The following TESK2 variants were observed in gnomAD, a reference collection of about 807,000 sequenced individuals.
TESK2 encodes dual specificity testis-specific protein kinase 2.
In TESK2, 39 loss-of-function variants were observed where a neutral mutation model predicts 57.1. That is an observed-to-expected ratio of 0.68 (90% CI 0.53 to 0.89). TESK2 has a LOEUF of 0.89. Among genes scored for constraint, TESK2 ranks in the 40% least tolerant of loss-of-function variants. The pLI is 0.00. For synonymous variants in TESK2, 249 were observed against 267.9 expected, an observed-to-expected ratio of 0.93 and a Z score of 0.69; for missense variants, 646 against 732.1, an observed-to-expected ratio of 0.88 and a Z score of 1.36.
chr1:45,479,815 T>C (rs1653143190), intron 1 of TESK2, among the ~76,000 whole-genome samples: 2 of 16,250 alleles, frequency 1.2e-4, no homozygotes, highest in Non-Finnish European at 2.0e-4. Flanking sequence ...AGGCCCTTCT[T>C]TTTTTTTTTT....
chr1:45,433,746 G>A (rs1427026845), intron 2 of TESK2, among the ~76,000 whole-genome samples: 3 of 152,136 alleles, frequency 2.0e-5, no homozygotes, highest in Admixed American at 6.5e-5. Flanking sequence ...CAATAAACAT[G>A]GAGATGCAAG....
At chr1:45,415,273 A>G (rs903020471) in intron 3 of TESK2, 3 of 1,383,496 alleles carry the variant, frequency 2.2e-6, no homozygotes, top group Non-Finnish European at 2.0e-6. Flanking sequence ...TGTGGAGGCC[A>G]TGGGGCACTT....
chr1:45,416,342 T>C (rs975685797), intron 3 of TESK2, among the ~76,000 whole-genome samples: 2 of 152,052 alleles, frequency 1.3e-5, no homozygotes, highest in Non-Finnish European at 2.9e-5. Context: ...TTTCACCATC[T>C]TGCCCAGGCT....
At chr1:45,361,734 C>T (rs894917304) in intron 4 of TESK2, among the ~76,000 whole-genome samples, 2 of 152,186 alleles carry the variant, frequency 1.3e-5, no homozygotes, top group African/African-American at 4.8e-5. Context: ...TCACCAAAGG[C>T]ACAGAGAAGT....
intron 1 of TESK2, among the ~76,000 whole-genome samples, chr1:45,463,130 A>G (rs186699554): frequency 9.9e-5 from 15 of 152,238 alleles, no homozygotes; most frequent in Admixed American, 3.9e-4. Flanking sequence ...TTTTCTGGTT[A>G]TTAATTCTTT....
chr1:45,463,320 C>G (rs1652409507), intron 1 of TESK2, among the ~76,000 whole-genome samples: 1 of 152,164 alleles, frequency 6.6e-6, no homozygotes, highest in South Asian at 2.1e-4. Flanking sequence ...AACCAATGTC[C>G]TGGAAAGTTT....
intron 2 of TESK2, among the ~76,000 whole-genome samples, chr1:45,428,796 GC>G (rs1650819917): frequency 7.2e-6 from 1 of 138,008 alleles, no homozygotes. Flanking sequence ...GAGCCACTGC[GC>G]CCAGCTCTTA....
chr1:45,381,130 C>A (rs2149273029), intron 4 of TESK2, among the ~76,000 whole-genome samples: 1 of 152,292 alleles, frequency 6.6e-6, no homozygotes, highest in Non-Finnish European at 1.5e-5. Flanking sequence ...CCATAGCATT[C>A]TGCCCATAGT....
chr1:45,399,417 C>A lies in TESK2; in HGVS notation c.345-13457G>T, dbSNP rs1649508171. 2.0e-5 allele frequency among the ~76,000 whole-genome samples: 3 copies of A among 152,110 alleles called. No homozygotes were observed. The South Asian group carries it at 6.2e-4, about 32-fold the overall frequency. ...GCAACCTCCACCTCCCAGGTTCAAGCAATTCTCCTGCCTCAGCATCCCGAG... is the reference window on the plus strand; with the variant it reads ...GCAACCTCCACCTCCCAGGTTCAAGAAATTCTCCTGCCTCAGCATCCCGAG... On this transcript the variant is annotated intron_variant, in intron 3 of 10. Coordinates refer to ENST00000372086, the MANE Select transcript of TESK2 (RefSeq NM_007170.3).
chr1:45,444,170 C>T (rs1651559192), intron 2 of TESK2, among the ~76,000 whole-genome samples: 1 of 138,894 alleles, frequency 7.2e-6, no homozygotes, highest in Admixed American at 7.6e-5. Flanking sequence ...CAAAATGAGA[C>T]TCTATTAAAA....
intron 3 of TESK2, among the ~76,000 whole-genome samples, chr1:45,420,531 A>C (rs1650428505): frequency 6.7e-6 from 1 of 150,322 alleles, no homozygotes; most frequent in African/African-American, 2.5e-5. Context: ...TACTGAGATT[A>C]CAGGCATGAG....
chr1:45,476,672 C>A (rs1343135673), intron 1 of TESK2, among the ~76,000 whole-genome samples: 1 of 151,274 alleles, frequency 6.6e-6, no homozygotes, highest in Non-Finnish European at 1.5e-5. Flanking sequence ...ACGGTGAAAC[C>A]CCATCTCTAC....
chr1:45,420,297 T>C (rs1570711680), intron 3 of TESK2, among the ~76,000 whole-genome samples: 1 of 152,312 alleles, frequency 6.6e-6, no homozygotes, highest in African/African-American at 2.4e-5. Context: ...TGGAGTGCAG[T>C]GCTGCAATCA....
rs561806711 is a variant in TESK2 at position 45,408,029 on chromosome 1, G to A, written c.344+13696C>T. On this transcript the variant is annotated intron_variant, in intron 3 of 10. Coordinates refer to ENST00000372086, the MANE Select transcript of TESK2 (RefSeq NM_007170.3). The stretch of plus-strand genomic sequence containing the variant: ...ACCTGAACTGCTTATTTTGTAGACT[G>A]TTGCACAACAGTCATCCTGGGACTT... 2.0e-5 allele frequency among the ~76,000 whole-genome samples: 3 copies of A among 152,278 alleles called. No homozygotes were observed. The South Asian group carries it at 6.2e-4, about 32-fold the overall frequency.
At chr1:45,366,859 C>T (rs1268436591) in intron 4 of TESK2, among the ~76,000 whole-genome samples, 2 of 152,088 alleles carry the variant, frequency 1.3e-5, no homozygotes, top group Admixed American at 6.6e-5. Context: ...GCTGGCTGGG[C>T]GCAGAGGCTC....
Position 45,438,252 on chromosome 1 carries a change from T to C in TESK2, c.223-16406A>G, listed in dbSNP as rs191741766. Among the ~76,000 whole-genome samples the C allele has an allele frequency of 1.1e-3, 160 of 152,270 alleles. 1 individual carries two copies. The highest frequency in any genetic ancestry group is 3.6e-3 in the African/African-American group (151 of 41,560). ...GGCTCACGCCTGTAATCCCAGCACT[T>C]TGGGAGGCTGAGGCAGGTGGATCAC... On this transcript the variant is annotated intron_variant, in intron 2 of 10. Coordinates refer to ENST00000372086, the MANE Select transcript of TESK2 (RefSeq NM_007170.3).
At chr1:45,483,505 G>A (rs1041931763) in intron 1 of TESK2, among the ~76,000 whole-genome samples, 1 of 151,776 alleles carries the variant, frequency 6.6e-6, no homozygotes, top group African/African-American at 2.4e-5. Flanking sequence ...GGCTGAAGAG[G>A]GAGAACTGCT....
chr1:45,364,239 G>C (rs1268079080), intron 4 of TESK2, among the ~76,000 whole-genome samples: 1 of 152,122 alleles, frequency 6.6e-6, no homozygotes, highest in Non-Finnish European at 1.5e-5. Flanking sequence ...TAGGGTCTTT[G>C]CCAATGTAAT....
intron 2 of TESK2, among the ~76,000 whole-genome samples, chr1:45,437,829 A>T (rs1315814036): frequency 1.3e-5 from 2 of 152,190 alleles, no homozygotes; most frequent in Non-Finnish European, 1.5e-5. Flanking sequence ...GGAACAGTTA[A>T]ATTCTGAAAT....
Sources: allele counts gnomAD v4.1 joint callset (sites outside exome capture counted in the v4.1 genomes callset), GRCh38; gene constraint gnomAD v4.1.1; transcripts MANE v1.5; gene names NCBI Gene and HGNC (gene_info 2026-07-23, HGNC 2026-07-21).